The following CAMTA1 variants were observed in gnomAD, a reference collection of about 807,000 sequenced individuals.
CAMTA1 encodes the protein calmodulin-binding transcription activator 1.
In CAMTA1, 27 loss-of-function variants were observed where a neutral mutation model predicts 170.9. That is an observed-to-expected ratio of 0.16 (90% confidence interval 0.12 to 0.22). The LOEUF is 0.22. Among genes scored for constraint, CAMTA1 ranks in the 10% least tolerant of loss-of-function variants. The pLI, the probability that CAMTA1 is intolerant of heterozygous loss-of-function variation, is 1.00. For missense variants in CAMTA1, 1,619 were observed against 2,217.2 expected, an observed-to-expected ratio of 0.73 and a Z score of 5.42; for synonymous variants, 833 against 891.5, an observed-to-expected ratio of 0.93 and a Z score of 1.17.
chr1:7,530,195 G>A (rs72643912), intron 6 of CAMTA1, among the ~76,000 whole-genome samples: 14,952 of 152,252 alleles, frequency 0.098, 967 homozygotes, highest in South Asian at 0.14. Flanking sequence ...GGCACAGCCC[G>A]TGCACAGCCA....
At chr1:7,438,152 A>G (rs1050211359) in intron 5 of CAMTA1, among the ~76,000 whole-genome samples, 5 of 152,042 alleles carry the variant, frequency 3.3e-5, no homozygotes, top group Admixed American at 3.3e-4. Context: ...GGGGAATCAG[A>G]GATGCCAGCT....
chr1:7,674,205 G>C lies in CAMTA1; in HGVS notation c.2779+3168G>C, dbSNP rs1171946961. 6.6e-6 allele frequency among the ~76,000 whole-genome samples: 1 copy of C among 152,222 alleles called. No individual in the cohort carries two copies. Among genetic ancestry groups the C allele is most frequent in the East Asian group, 1.9e-4 (1 of 5,190 alleles). On this transcript the variant is annotated intron_variant, in intron 10 of 22. Coordinates refer to ENST00000303635, the MANE Select transcript of CAMTA1 (RefSeq NM_015215.4). The surrounding 1 kb of genome is among the most constrained non-coding windows in gnomAD (Gnocchi z 4.1). ...CTGCCCAAGCAAAACAGATGAGCAG[G>C]GTCCTGCCCTGGCAGCTCCCACACC...
At chr1:7,099,981 T>TG (rs1642531069) in intron 4 of CAMTA1, among the ~76,000 whole-genome samples, 1 of 152,240 alleles carries the variant, frequency 6.6e-6, no homozygotes, top group African/African-American at 2.4e-5. Flanking sequence ...CAGGGGGTGG[T>TG]TGCCTGTCTG....
intron 6 of CAMTA1, among the ~76,000 whole-genome samples, chr1:7,566,773 C>G (rs554580011): frequency 5.3e-5 from 8 of 152,312 alleles, no homozygotes; most frequent in Non-Finnish European, 7.3e-5. Flanking sequence ...CAGTCTTTCC[C>G]TTCTATGCCC....
intron 4 of CAMTA1, among the ~76,000 whole-genome samples, chr1:7,095,215 T>TG (rs2148177682): frequency 6.6e-6 from 1 of 152,330 alleles, no homozygotes; most frequent in East Asian, 1.9e-4. Context: ...GGATTTTTAG[T>TG]GGGGCTTGTT....
chr1:6,809,020 C>T (rs942210922), intron 1 of CAMTA1, among the ~76,000 whole-genome samples: 2 of 150,020 alleles, frequency 1.3e-5, no homozygotes, highest in African/African-American at 4.9e-5. Flanking sequence ...TTTTCTTCTT[C>T]TTCTTTTTCT....
chr1:7,258,511 G>T (rs1361118757), intron 5 of CAMTA1, among the ~76,000 whole-genome samples: 1 of 152,136 alleles, frequency 6.6e-6, no homozygotes, highest in Non-Finnish European at 1.5e-5. Flanking sequence ...TCTCTGTTTG[G>T]TCCCCAACAC....
chr1:7,641,533 A>G lies in CAMTA1; in HGVS notation c.664+980A>G, dbSNP rs769209182. Among the ~76,000 whole-genome samples the G allele has an allele frequency of 6.6e-6, 1 of 152,154 alleles. No individual in the cohort carries two copies. Among genetic ancestry groups the G allele is most frequent in the Non-Finnish European group, 1.5e-5 (1 of 68,012 alleles). ...GCCTGGGAGGGCCCAGGCTGAGGCT[A>G]CGGGCACCTGCGGTGATGCTAATCC... On this transcript the variant is annotated intron_variant, in intron 7 of 22. Transcript: ENST00000303635. This position sits in a 1 kb window ranked among gnomAD's most constrained non-coding sequence, Gnocchi z 4.5.
At chr1:7,741,279 G>C (rs368482898) in intron 16 of CAMTA1, among the ~76,000 whole-genome samples, 1 of 152,042 alleles carries the variant, frequency 6.6e-6, no homozygotes, top group African/African-American at 2.4e-5. Flanking sequence ...AGTTAGAAAT[G>C]TTGGCCGGGC....
At chr1:7,668,320 C>A (rs1046577868) in intron 9 of CAMTA1, among the ~76,000 whole-genome samples, 3 of 151,932 alleles carry the variant, frequency 2.0e-5, no homozygotes, top group Non-Finnish European at 2.9e-5. Flanking sequence ...GTGGCCCTCC[C>A]TCCCACAGGC....
chr1:7,009,727 T>G (rs895851827), intron 3 of CAMTA1, among the ~76,000 whole-genome samples: 9 of 152,316 alleles, frequency 5.9e-5, no homozygotes, highest in Non-Finnish European at 1.2e-4. Flanking sequence ...CAGCTTGACG[T>G]GCACTGCTGA....
chr1:6,879,840 T>C (rs893290628), intron 3 of CAMTA1, among the ~76,000 whole-genome samples: 4 of 151,020 alleles, frequency 2.6e-5, no homozygotes, highest in African/African-American at 9.7e-5. Flanking sequence ...TTGCCCAGGC[T>C]GATCTCGAAC....
intron 4 of CAMTA1, among the ~76,000 whole-genome samples, chr1:7,232,879 TA>T (rs1352956701): frequency 6.6e-6 from 1 of 152,022 alleles, no homozygotes; most frequent in Non-Finnish European, 1.5e-5. Context: ...ACAAAATGAA[TA>T]TTGCCTTGTC....
In CAMTA1 at chr1:7,195,830, C is replaced by A. The variant is rs980968252; in HGVS notation, c.303-53661C>A. On this transcript the variant is annotated intron_variant, in intron 4 of 22. Coordinates refer to ENST00000303635, the MANE Select transcript of CAMTA1 (RefSeq NM_015215.4). This position sits in a 1 kb window ranked among gnomAD's most constrained non-coding sequence, Gnocchi z 4.1. ...GGTCAGGAGTTCAAGACCAGCCTGG[C>A]CAACATGGTGAAACCCCGTCTCTAC... Among the ~76,000 whole-genome samples the A allele has an allele frequency of 5.9e-5, 9 of 152,054 alleles. No homozygotes were observed. Among genetic ancestry groups the A allele is most frequent in the African/African-American group, 2.2e-4 (9 of 41,404 alleles).
In CAMTA1 at chr1:7,455,669, C is replaced by G. The variant is rs534368251; in HGVS notation, c.439-12161C>G. ...GATACCTACGTGGCGTCACAGGTGCCTAGAGCGGGCGGCGCTGGGGAGCTG... is the reference window on the plus strand; with the variant it reads ...GATACCTACGTGGCGTCACAGGTGCGTAGAGCGGGCGGCGCTGGGGAGCTG... On this transcript the variant is annotated intron_variant, in intron 5 of 22. Coordinates refer to ENST00000303635, the MANE Select transcript of CAMTA1 (RefSeq NM_015215.4). The surrounding 1 kb of genome is among the most constrained non-coding windows in gnomAD (Gnocchi z 5.0). 6.6e-6 allele frequency among the ~76,000 whole-genome samples: 1 copy of G among 152,236 alleles called. No individual in the cohort carries two copies.
intron 3 of CAMTA1, among the ~76,000 whole-genome samples, chr1:6,898,024 G>A (rs1676038237): frequency 2.6e-5 from 4 of 152,072 alleles, no homozygotes; most frequent in African/African-American, 9.7e-5. Flanking sequence ...AAAACCCTAC[G>A]AATCCAAAGT....
chr1:7,066,186 G>A (rs994968391), intron 3 of CAMTA1, among the ~76,000 whole-genome samples: 4 of 152,180 alleles, frequency 2.6e-5, no homozygotes, highest in Admixed American at 6.5e-5. Context: ...TCTACAAATC[G>A]TCTCCTTTCT....
chr1:7,625,313 C>T (rs998474054), intron 6 of CAMTA1, among the ~76,000 whole-genome samples: 1 of 152,256 alleles, frequency 6.6e-6, no homozygotes, highest in Admixed American at 6.5e-5. Context: ...AGGATGCCTG[C>T]CCGTCTCTCC....
At chr1:7,133,124 T>C (rs964247522) in intron 4 of CAMTA1, among the ~76,000 whole-genome samples, 10 of 152,224 alleles carry the variant, frequency 6.6e-5, no homozygotes, top group African/African-American at 2.4e-4. Context: ...GAAATGTTTC[T>C]TCCGCTCCTA....
Sources: allele counts gnomAD v4.1 joint callset (sites outside exome capture counted in the v4.1 genomes callset), GRCh38; gene constraint gnomAD v4.1.1; non-coding constraint Gnocchi (gnomAD v3.1); transcripts MANE v1.5; gene names NCBI Gene and HGNC (gene_info 2026-07-23, HGNC 2026-07-21).